Variants in SNX25 observed in about 807,000 individuals in gnomAD.
SNX25 encodes sorting nexin-25.
Under a neutral mutation model 113.7 loss-of-function variants are expected in SNX25, and 62 were observed. The ratio of observed to expected loss-of-function variants is 0.55; its 90% CI spans 0.44 to 0.67. The LOEUF (loss-of-function observed/expected upper bound fraction) is 0.67, where lower values mean the gene tolerates loss of function less well. SNX25 is among the 30% of genes least tolerant of loss of function. The pLI, the probability that SNX25 is intolerant of heterozygous loss-of-function variation, is 0.00. For missense variants in SNX25, 1,014 were observed against 1,161.0 expected (o/e 0.87, Z 1.84); for synonymous variants, 421 against 436.2 (o/e 0.97, Z 0.43).
chr4:185,317,891 A>G (rs1448599991), intron 7 of SNX25, among the ~76,000 whole-genome samples: 1 of 152,210 alleles, frequency 6.6e-6, no homozygotes, highest in Admixed American at 6.5e-5. Flanking sequence ...ACCATGGCAC[A>G]TGTATACCAG....
At chr4:185,240,684 T>TG (rs1743736802) in intron 1 of SNX25, among the ~76,000 whole-genome samples, 1 of 146,008 alleles carries the variant, frequency 6.8e-6, no homozygotes, top group South Asian at 2.3e-4. Flanking sequence ...ACGGGGCGGC[T>TG]GCCGGGCGGG....
At chr4:185,372,725 T>C (rs1021133905), downstream of SNX25, 2 of 673,888 alleles carry the variant, frequency 3.0e-6, no homozygotes, top group African/African-American at 3.6e-5. Context: ...GAGGACATGA[T>C]GGTCCTCCCC....
At chr4:185,369,356 T>TAC (rs1173813875) in intron 11 of SNX25, among the ~76,000 whole-genome samples, 96 of 147,650 alleles carry the variant, frequency 6.5e-4, no homozygotes, top group African/African-American at 2.3e-3. Context: ...TAGCTGGGTT[T>TAC]ACAGGCACAC....
intron 1 of SNX25, among the ~76,000 whole-genome samples, chr4:185,239,351 T>A (rs183621090): frequency 2.6e-5 from 4 of 151,742 alleles, no homozygotes; most frequent in Non-Finnish European, 5.9e-5. Flanking sequence ...GGCGTGGTGG[T>A]GGGCACCTGT....
At chr4:185,371,133 C>T (rs117119552), downstream of SNX25, 166 of 227,012 alleles carry the variant, frequency 7.3e-4, 3 homozygotes, top group East Asian at 9.7e-3. Context: ...TTAAACTGAA[C>T]GGAGAAGAAA....
In SNX25 at chr4:185,262,900, A is replaced by C. The variant is rs191776974; in HGVS notation, c.732-1538A>C. ...TGCCTCCTGCCACAGAAGCAGCCCC[A>C]CCCCTCGTGGTGCTTTCTTGGCTTT... On this transcript the variant is annotated intron_variant, in intron 3 of 18. Transcript: ENST00000652585. Among the ~76,000 whole-genome samples the C allele has an allele frequency of 2.2e-4, 33 of 151,990 alleles. No homozygotes were observed. In the East Asian group the frequency reaches 6.0e-3, roughly 28 times the overall value.
intron 1 of SNX25, among the ~76,000 whole-genome samples, chr4:185,242,077 TA>T (rs10718781): frequency 0.38 from 58,267 of 151,964 alleles, 12,259 homozygotes; most frequent in East Asian, 0.55. Flanking sequence ...CTGAAAGAAA[TA>T]AGAGTATGTA....
At chr4:185,250,427 G>C (rs992053374) in intron 2 of SNX25, among the ~76,000 whole-genome samples, 7 of 152,148 alleles carry the variant, frequency 4.6e-5, no homozygotes, top group Non-Finnish European at 1.0e-4. Context: ...TTGAGAATCT[G>C]TACCCAGATT....
At chr4:185,378,490 A>G in the SNX25 span, 1 of 1,130,306 alleles carries the variant, frequency 8.8e-7, no homozygotes, top group Non-Finnish European at 1.1e-6. Flanking sequence ...ATACATCAAG[A>G]TGGGTCAAGT....
intron 7 of SNX25, among the ~76,000 whole-genome samples, chr4:185,318,581 G>A (rs777081200): frequency 5.9e-5 from 9 of 151,798 alleles, no homozygotes; most frequent in Non-Finnish European, 8.8e-5. Context: ...AAAAAGGCAG[G>A]GTATAACATT....
At chr4:185,251,963 T>G (rs998138162) in intron 2 of SNX25, among the ~76,000 whole-genome samples, 4 of 152,156 alleles carry the variant, frequency 2.6e-5, no homozygotes, top group Non-Finnish European at 2.9e-5. Context: ...ACTTTGCTTT[T>G]TTTTTTCTTT....
At chr4:185,247,273 A>T in intron 1 of SNX25, 21 bp from the exon 2 acceptor site, 1 of 1,528,810 alleles carries the variant, frequency 6.5e-7, no homozygotes, top group Non-Finnish European at 8.9e-7. Context: ...TCTGCTTTGT[A>T]TTTTTTTCCT....
At position 185,232,303 on chromosome 4, in the gene SNX25, A is replaced by G. The variant is rs1741990581; in HGVS notation, c.430-14991A>G. Among the ~76,000 whole-genome samples the G allele has an allele frequency of 6.6e-6, 1 of 152,116 alleles. No homozygotes were observed. ...ATTGGTCTAGTACTACGGGGTTACA[A>G]TCTTCCCGGACATCGCCTAAGTTTT... On this transcript the variant is annotated intron_variant, in intron 1 of 18. Coordinates refer to ENST00000652585, the MANE Select transcript of SNX25 (RefSeq NM_001378034.2). The surrounding 1 kb of genome is among the most constrained non-coding windows in gnomAD (Gnocchi z 4.4).
At chr4:185,307,589 G>T (rs1402659131) in intron 6 of SNX25, among the ~76,000 whole-genome samples, 4 of 152,004 alleles carry the variant, frequency 2.6e-5, no homozygotes, top group Non-Finnish European at 2.9e-5. Flanking sequence ...GGACAAAACT[G>T]AATCCATATA....
intron 9 of SNX25, among the ~76,000 whole-genome samples, chr4:185,329,845 G>A (rs2095181912): frequency 6.6e-6 from 1 of 152,084 alleles, no homozygotes; most frequent in Non-Finnish European, 1.5e-5. Flanking sequence ...GTCCCCTTCA[G>A]GTTAGTTGTC....
intron 1 of SNX25, among the ~76,000 whole-genome samples, chr4:185,224,181 T>C (rs901407533): frequency 6.6e-6 from 1 of 151,840 alleles, no homozygotes; most frequent in African/African-American, 2.4e-5. Flanking sequence ...GTGAAACCTG[T>C]CTCTACTAGA....
downstream of SNX25, chr4:185,371,167 C>T (rs960197805): frequency 3.3e-5 from 6 of 180,854 alleles, no homozygotes; most frequent in Non-Finnish European, 5.9e-5. Flanking sequence ...CTTTGGATCA[C>T]GTATGGAAAC....
chr4:185,265,663 A>G (rs1039331528), intron 4 of SNX25, among the ~76,000 whole-genome samples: 3 of 152,216 alleles, frequency 2.0e-5, no homozygotes, highest in Admixed American at 6.5e-5. Context: ...TTAGCTTACT[A>G]TAACTTTTTT....
chr4:185,287,237 T>C (rs1249230024), intron 5 of SNX25, among the ~76,000 whole-genome samples: 1 of 152,264 alleles, frequency 6.6e-6, no homozygotes, highest in Non-Finnish European at 1.5e-5. Flanking sequence ...TTATTTTTCC[T>C]GACTTGGAGG....
Sources: allele counts gnomAD v4.1 joint callset (sites outside exome capture counted in the v4.1 genomes callset), GRCh38; gene constraint gnomAD v4.1.1; non-coding constraint Gnocchi (gnomAD v3.1); transcripts MANE v1.5; gene names NCBI Gene and HGNC (gene_info 2026-07-23, HGNC 2026-07-21).